Variants in ITGA9 observed in about 807,000 individuals in gnomAD.
The protein encoded by ITGA9 is integrin subunit alpha 9.
A neutral mutation model predicts 127.8 loss-of-function variants in ITGA9; 56 were observed. The observed-to-expected ratio is 0.44, with a 90% CI of 0.35 to 0.55. The LOEUF is 0.55. ITGA9 is among the 20% of genes least tolerant of loss of function. The pLI is 0.00. For synonymous variants in ITGA9, 508 were observed against 514.5 expected (o/e 0.99, Z 0.17); for missense variants, 1,196 against 1,347.1 (o/e 0.89, Z 1.76).
intron 5 of ITGA9, among the ~76,000 whole-genome samples, chr3:37,500,475 CATCT>C (rs1383089327): frequency 1.3e-5 from 2 of 152,174 alleles, no homozygotes; most frequent in Non-Finnish European, 2.9e-5. Flanking sequence ...GCTTTTCTTC[CATCT>C]GTGTTCCTGC....
chr3:37,548,002 G>A (rs914955182), intron 15 of ITGA9, among the ~76,000 whole-genome samples: 1 of 152,128 alleles, frequency 6.6e-6, no homozygotes, highest in Non-Finnish European at 1.5e-5. Flanking sequence ...GTAGTATACT[G>A]TGTGCACACT....
At chr3:37,532,643 T>A (rs970370318) in intron 13 of ITGA9, among the ~76,000 whole-genome samples, 1 of 151,304 alleles carries the variant, frequency 6.6e-6, no homozygotes, top group Non-Finnish European at 1.5e-5. Context: ...GTGCTGTCCA[T>A]TCATCAAGCA....
At chr3:37,550,529 CT>C in intron 15 of ITGA9, among the ~76,000 whole-genome samples, 1 of 152,266 alleles carries the variant, frequency 6.6e-6, no homozygotes, top group South Asian at 2.1e-4. Flanking sequence ...CTTATCATGT[CT>C]GATTTCAAGC....
intron 27 of ITGA9, among the ~76,000 whole-genome samples, chr3:37,805,345 G>C (rs943156246): frequency 2.6e-5 from 4 of 152,082 alleles, no homozygotes; most frequent in African/African-American, 9.7e-5. Flanking sequence ...CAACGCACCT[G>C]GCCTGGATTT....
chr3:37,589,485 A>G (rs1208826186), intron 15 of ITGA9, among the ~76,000 whole-genome samples: 1 of 152,252 alleles, frequency 6.6e-6, no homozygotes. Context: ...AATATAGAGT[A>G]TGGAAACACG....
Position 37,541,731 on chromosome 3 carries a change from C to T in ITGA9, c.1529-694C>T, listed in dbSNP as rs543922939. Among the ~76,000 whole-genome samples, 8 of 152,300 alleles carry T rather than the reference C, an allele frequency of 5.3e-5. No individual in the cohort carries two copies. The East Asian group carries it at 1.2e-3, about 22-fold the overall frequency. On this transcript the variant is annotated intron_variant, in intron 14 of 27. Coordinates refer to ENST00000264741, the MANE Select transcript of ITGA9 (RefSeq NM_002207.3). The stretch of plus-strand genomic sequence containing the variant: ...CTACAAAATGTTTGATCACCACACT[C>T]GGCTACCTGGGAATAAAGGCAACTC...
intron 18 of ITGA9, among the ~76,000 whole-genome samples, chr3:37,721,326 G>C (rs780638198): frequency 6.6e-6 from 1 of 151,874 alleles, no homozygotes; most frequent in African/African-American, 2.4e-5. Flanking sequence ...ATGTTGTCTA[G>C]GCTGGCCTTG....
chr3:37,670,965 A>T (rs1315477748), intron 17 of ITGA9, among the ~76,000 whole-genome samples: 4 of 152,242 alleles, frequency 2.6e-5, no homozygotes, highest in Non-Finnish European at 5.9e-5. Flanking sequence ...GCTAGCTTTG[A>T]TGAAATGCAC....
chr3:37,650,399 C>A (rs1048634602), intron 16 of ITGA9, among the ~76,000 whole-genome samples: 14 of 152,042 alleles, frequency 9.2e-5, no homozygotes, highest in Admixed American at 5.2e-4. Context: ...CACATCAATT[C>A]TTTGTCTCCT....
chr3:37,778,960 T>C (rs916576316), intron 24 of ITGA9, among the ~76,000 whole-genome samples: 1 of 151,578 alleles, frequency 6.6e-6, no homozygotes, highest in African/African-American at 2.4e-5. Context: ...TGATACCTAG[T>C]GATTTTATAG....
intron 23 of ITGA9, among the ~76,000 whole-genome samples, chr3:37,752,005 C>A (rs988487908): frequency 6.6e-6 from 1 of 152,174 alleles, no homozygotes; most frequent in Non-Finnish European, 1.5e-5. Flanking sequence ...TAAACGATCA[C>A]CACTGAGCCC....
chr3:37,618,323 G>A (rs1244857467), intron 15 of ITGA9, among the ~76,000 whole-genome samples: 1 of 152,232 alleles, frequency 6.6e-6, no homozygotes, highest in Non-Finnish European at 1.5e-5. Flanking sequence ...TCCTCTGGAA[G>A]TTTTGTCTCA....
rs1699933718 is a variant in ITGA9 at position 37,602,773 on chromosome 3, C to T, written c.1690-26414C>T. 2.0e-5 allele frequency among the ~76,000 whole-genome samples: 3 copies of T among 152,088 alleles called. No individual in the cohort carries two copies. In the South Asian group the frequency reaches 6.2e-4, roughly 32 times the overall value. ...TATACATTATCTCATTTAATCAAAACCAGCACTCTATATCATGGGTGCCAC... is the reference window on the plus strand; with the variant it reads ...TATACATTATCTCATTTAATCAAAATCAGCACTCTATATCATGGGTGCCAC... On this transcript the variant is annotated intron_variant, in intron 15 of 27. Coordinates refer to ENST00000264741, the MANE Select transcript of ITGA9 (RefSeq NM_002207.3).
intron 14 of ITGA9, among the ~76,000 whole-genome samples, chr3:37,534,579 A>G (rs905084912): frequency 7.9e-5 from 12 of 152,242 alleles, no homozygotes; most frequent in African/African-American, 2.9e-4. Flanking sequence ...CTTATTTAAT[A>G]TGTTCATCCT....
chr3:37,574,126 AT>A (rs1699629694), intron 15 of ITGA9, among the ~76,000 whole-genome samples: 1 of 152,228 alleles, frequency 6.6e-6, no homozygotes, highest in African/African-American at 2.4e-5. Flanking sequence ...GAAGAAAAAA[AT>A]CCACACCAGG....
At chr3:37,641,627 A>G (rs1454780291) in intron 16 of ITGA9, among the ~76,000 whole-genome samples, 1 of 152,002 alleles carries the variant, frequency 6.6e-6, no homozygotes, top group African/African-American at 2.4e-5. Context: ...ACCAGGTCAC[A>G]TCCCTGCATA....
At chr3:37,737,109 A>G (rs1011676121) in intron 20 of ITGA9, 126 bp downstream of exon 20, 2 of 751,734 alleles carry the variant, frequency 2.7e-6, no homozygotes, top group African/African-American at 3.5e-5. Context: ...ACTCAGTGAT[A>G]AAGCCTTGAG....
chr3:37,489,093 T>C (rs1325361943), intron 4 of ITGA9, among the ~76,000 whole-genome samples: 2 of 152,260 alleles, frequency 1.3e-5, no homozygotes, highest in Non-Finnish European at 2.9e-5. Context: ...CTTTTGTGAC[T>C]GGCTTGTTTC....
intron 3 of ITGA9, among the ~76,000 whole-genome samples, chr3:37,478,358 A>G (rs1311923359): frequency 6.6e-6 from 1 of 151,816 alleles, no homozygotes; most frequent in Non-Finnish European, 1.5e-5. Context: ...GGAAAGTGCC[A>G]TTACCCACCT....
Sources: allele counts gnomAD v4.1 joint callset (sites outside exome capture counted in the v4.1 genomes callset), GRCh38; gene constraint gnomAD v4.1.1; transcripts MANE v1.5; gene names NCBI Gene and HGNC (gene_info 2026-07-23, HGNC 2026-07-21).